The following CFAP92 variants were observed in gnomAD, a reference collection of about 807,000 sequenced individuals.
CFAP92 encodes the protein uncharacterized protein CFAP92.
A neutral mutation model predicts 106.3 loss-of-function variants in CFAP92; 86 were observed. The ratio of observed to expected loss-of-function variants is 0.81; its 90% confidence interval spans 0.68 to 0.97. The LOEUF (loss-of-function observed/expected upper bound fraction) is 0.97, where lower values mean the gene tolerates loss of function less well. Ranked by LOEUF, CFAP92 falls within the 50% of genes least tolerant of loss-of-function variation. The pLI is 0.00. For synonymous variants in CFAP92, 477 were observed against 506.4 expected (o/e 0.94, Z 0.78); for missense variants, 1,204 against 1,283.8 (o/e 0.94, Z 0.95).
chr3:128,971,552 G>T, intron 7 of CFAP92, 119 bp from the exon 8 acceptor site: 1 of 831,174 alleles, frequency 1.2e-6, no homozygotes, highest in Non-Finnish European at 1.8e-6. Context: ...GAAGGCAGGG[G>T]TTATTCTTTG....
At chr3:128,961,285 A>G (rs1015104625) in intron 9 of CFAP92, among the ~76,000 whole-genome samples, 1 of 151,140 alleles carries the variant, frequency 6.6e-6, no homozygotes, top group African/African-American at 2.4e-5. Flanking sequence ...GCCCAGGGCA[A>G]CTCCTCCCAA....
intron 12 of CFAP92, among the ~76,000 whole-genome samples, chr3:128,921,211 A>G (rs1022005768): frequency 2.0e-5 from 3 of 152,066 alleles, no homozygotes; most frequent in Admixed American, 1.3e-4. Flanking sequence ...GGCGCCCAAT[A>G]TGAGGCAACG....
At chr3:128,966,284 G>C (rs746646179) in intron 8 of CFAP92, among the ~76,000 whole-genome samples, 3 of 152,194 alleles carry the variant, frequency 2.0e-5, no homozygotes, top group African/African-American at 4.8e-5. Flanking sequence ...CCTGGCCATC[G>C]TTGCAGGAAG....
intron 9 of CFAP92, among the ~76,000 whole-genome samples, chr3:128,962,868 T>C (rs1942052108): frequency 6.6e-6 from 1 of 152,238 alleles, no homozygotes; most frequent in African/African-American, 2.4e-5. Flanking sequence ...TTGTTTTGCC[T>C]ATCCACCCCG....
At chr3:129,003,716 C>A, upstream of CFAP92, 2 of 1,245,624 alleles carry the variant, frequency 1.6e-6, no homozygotes, top group Non-Finnish European at 1.0e-6. Flanking sequence ...AGGCATGGGG[C>A]CGCCGTCGTG....
chr3:128,910,836 G>C, intron 15 of CFAP92: 2 of 1,613,234 alleles, frequency 1.2e-6, no homozygotes, highest in Non-Finnish European at 1.7e-6. Flanking sequence ...TCTTGGGGGA[G>C]GGAAGGAAGG....
chr3:128,984,994 T>C (rs1394213696), intron 4 of CFAP92, among the ~76,000 whole-genome samples: 1 of 152,254 alleles, frequency 6.6e-6, no homozygotes, highest in Non-Finnish European at 1.5e-5. Context: ...TGGCTATCTC[T>C]GGACAGGAAT....
rs1330956308 is a variant in CFAP92 at position 128,915,166 on chromosome 3, G to A, written c.3233C>T (p.Pro1078Leu). The A allele has an allele frequency of 3.9e-6, 6 of 1,536,030 alleles. No individual in the cohort carries two copies. Among genetic ancestry groups the A allele is most frequent in the Non-Finnish European group, 5.2e-6 (6 of 1,146,930 alleles). ...HVDFDLYKKP[P>L]PFLELLPSPA... ...CGAAGGGAGCAGCTCGAGGAAAGGT[G>A]GTGGTTTCTTGTACAGATCAAAGTC... The change falls in exon 15 of 16, where the codon CCA becomes CTA. Residue 1078 changes from proline (P) to leucine (L), a missense_variant. By Grantham distance (98) the Pro-to-Leu change is moderately conservative. Coordinates refer to ENST00000645291, the MANE Select transcript of CFAP92 (RefSeq NM_001394090.1).
At chr3:128,947,959 A>T (rs1053461179) in intron 9 of CFAP92, among the ~76,000 whole-genome samples, 4 of 152,206 alleles carry the variant, frequency 2.6e-5, no homozygotes, top group Non-Finnish European at 4.4e-5. Flanking sequence ...TAGATGTGAC[A>T]CAGAAACACA....
Position 128,915,458 on chromosome 3 carries a change from C to A in CFAP92, c.3022G>T (p.Ala1008Ser), listed in dbSNP as rs1217109911. 1 of 1,536,092 alleles carries A rather than the reference C, an allele frequency of 6.5e-7. No individual in the cohort carries two copies. Among genetic ancestry groups the A allele is most frequent in the Admixed American group, 2.0e-5 (1 of 50,998 alleles). Residue 1008 changes from alanine to serine, a missense_variant, in exon 14 of 16, where the codon GCC becomes TCC. Ala to Ser is a moderately conservative substitution (Grantham distance 99). Transcript: ENST00000645291. Reference protein sequence around the residue: ...EKKAQKKSRQAWLTARGFQVT... With the variant: ...EKKAQKKSRQSWLTARGFQVT... ...TGGAATCCCCTGGCTGTGAGCCAGG[C>A]CTGGCGGGATTTCTTCTGGGCTTTC... is the stretch of plus-strand genomic sequence containing the variant.
intron 15 of CFAP92, chr3:128,910,847 G>C (rs1936215444): frequency 6.2e-7 from 1 of 1,610,136 alleles, no homozygotes; most frequent in African/African-American, 1.3e-5. Flanking sequence ...GGAAGGAAGG[G>C]CCCACTTCTA....
chr3:128,961,888 C>T (rs1396625806), intron 9 of CFAP92, among the ~76,000 whole-genome samples: 3 of 152,316 alleles, frequency 2.0e-5, no homozygotes, highest in Admixed American at 6.5e-5. Flanking sequence ...TGAGACAAAT[C>T]CCAGCCACAT....
intron 4 of CFAP92, 49 bp downstream of exon 4, chr3:128,987,567 G>A: frequency 2.0e-6 from 3 of 1,512,488 alleles, no homozygotes; most frequent in Non-Finnish European, 1.8e-6. Flanking sequence ...GCTGTTACTA[G>A]TGAGTAAGCC....
chr3:128,993,650 A>T (rs1944356316), intron 1 of CFAP92: 1 of 355,818 alleles, frequency 2.8e-6, no homozygotes, highest in Non-Finnish European at 5.4e-6. Flanking sequence ...AGCTCCCGGG[A>T]GCCACCAGGC....
At chr3:128,943,779 C>T (rs1001409147) in intron 10 of CFAP92, among the ~76,000 whole-genome samples, 1 of 151,838 alleles carries the variant, frequency 6.6e-6, no homozygotes, top group Admixed American at 6.6e-5. Context: ...TCAGGCAATC[C>T]TCCCGCCTCA....
chr3:128,931,139 A>G (rs2107702747), intron 12 of CFAP92, among the ~76,000 whole-genome samples: 1 of 152,190 alleles, frequency 6.6e-6, no homozygotes, highest in East Asian at 1.9e-4. Context: ...TCCTGGCCTC[A>G]AGGGATCTGA....
At chr3:128,916,754 C>G (rs1000329326) in intron 12 of CFAP92, among the ~76,000 whole-genome samples, 1 of 152,138 alleles carries the variant, frequency 6.6e-6, no homozygotes, top group African/African-American at 2.4e-5. Context: ...ATAAGATGGT[C>G]TGTTGGCTTC....
chr3:128,991,475 T>C (rs1348603344), intron 2 of CFAP92: 7 of 153,772 alleles, frequency 4.6e-5, no homozygotes, highest in Non-Finnish European at 7.3e-5. Flanking sequence ...GTAAGGTCAC[T>C]TACGTCAGCA....
At chr3:129,015,435 G>A in the CFAP92 span, among the ~76,000 whole-genome samples, 5,918 of 152,076 alleles carry the variant, frequency 0.039, 296 homozygotes, top group African/African-American at 0.11. Flanking sequence ...GGGAGGTTGC[G>A]GGGTAAGCTC....
Sources: gnomAD v4.1 joint callset for allele counts (sites outside exome capture counted in the v4.1 genomes callset) on GRCh38, gnomAD v4.1.1 for gene constraint, MANE v1.5 for transcripts, NCBI Gene and HGNC (gene_info 2026-07-23, HGNC 2026-07-21) for gene names.